PCDH15: variants seen among roughly 807,000 people sequenced by gnomAD.
PCDH15 encodes the protein protocadherin related 15.
PCDH15 carries 129 observed loss-of-function variants against 178.5 expected under a neutral mutation model. The ratio of observed to expected loss-of-function variants is 0.72; its 90% confidence interval spans 0.63 to 0.84. The LOEUF (loss-of-function observed/expected upper bound fraction) is 0.84, where lower values mean the gene tolerates loss of function less well. Among genes scored for constraint, PCDH15 ranks in the 40% least tolerant of loss-of-function variants. The pLI is 0.00. For missense variants in PCDH15, 2,230 were observed against 2,099.9 expected (o/e 1.06, Z -1.21); for synonymous variants, 800 against 732.0 (o/e 1.09, Z -1.50).
chr10:53,915,376 T>C (rs1342292453), intron 25 of PCDH15, among the ~76,000 whole-genome samples: 4 of 152,232 alleles, frequency 2.6e-5, no homozygotes, highest in Non-Finnish European at 4.4e-5. Context: ...GGCAGAAAGA[T>C]AGATTGATCT....
intron 14 of PCDH15, among the ~76,000 whole-genome samples, chr10:54,141,554 G>A (rs1013549416): frequency 5.3e-5 from 8 of 152,064 alleles, no homozygotes; most frequent in Admixed American, 2.0e-4. Context: ...TGGGTTAAAA[G>A]TTTTAATGTT....
chr10:54,859,988 A>T (rs1953811238), intron 3 of PCDH15, among the ~76,000 whole-genome samples: 1 of 152,012 alleles, frequency 6.6e-6, no homozygotes, highest in Non-Finnish European at 1.5e-5. Context: ...GACAACTCAG[A>T]CTTACCATGC....
chr10:55,107,217 T>C (rs1384231980), intron 2 of PCDH15, among the ~76,000 whole-genome samples: 1 of 152,198 alleles, frequency 6.6e-6, no homozygotes, highest in African/African-American at 2.4e-5. Flanking sequence ...ATTACCTTAG[T>C]TGTTAATTAA....
At chr10:54,269,203 A>G (rs1468917957) in intron 8 of PCDH15, among the ~76,000 whole-genome samples, 2 of 152,022 alleles carry the variant, frequency 1.3e-5, no homozygotes, top group Non-Finnish European at 2.9e-5. Flanking sequence ...TGATTGATAA[A>G]TGAGAAACTG....
At chr10:55,220,366 C>G (rs887714523) in intron 1 of PCDH15, among the ~76,000 whole-genome samples, 2 of 151,992 alleles carry the variant, frequency 1.3e-5, no homozygotes, top group African/African-American at 2.4e-5. Flanking sequence ...ATACAGGAAT[C>G]TAACTTGTCA....
At chr10:55,580,154 G>A (rs867952556) in intron 2 of PCDH15, among the ~76,000 whole-genome samples, 1 of 152,114 alleles carries the variant, frequency 6.6e-6, no homozygotes, top group Middle Eastern at 3.4e-3. Flanking sequence ...ACTGTGCCCG[G>A]CCACATATTG....
chr10:54,667,275 A>C (rs933925470), intron 1 of PCDH15, among the ~76,000 whole-genome samples: 2 of 152,072 alleles, frequency 1.3e-5, no homozygotes, highest in Non-Finnish European at 2.9e-5. Flanking sequence ...AAAGAAAGCT[A>C]TGACTCATCA....
In PCDH15 at chr10:55,445,926, A is replaced by G. The variant is rs530928075; in HGVS notation, c.-156+181699T>C. ...ATCAGAGAAGCCTTTCACTTGAGAAACACCAGACACAGATGAGAGTGGTAA... is the reference window on the plus strand; with the variant it reads ...ATCAGAGAAGCCTTTCACTTGAGAAGCACCAGACACAGATGAGAGTGGTAA... On this transcript the variant is annotated intron_variant, in intron 2 of 5. Coordinates refer to the PCDH15 transcript ENST00000613346. Among the ~76,000 whole-genome samples the G allele has an allele frequency of 1.4e-4, 22 of 152,240 alleles. No individual in the cohort carries two copies. The South Asian group carries it at 3.5e-3, about 24-fold the overall frequency.
intron 21 of PCDH15, among the ~76,000 whole-genome samples, chr10:53,962,137 G>A (rs1226829267): frequency 6.6e-6 from 1 of 152,034 alleles, no homozygotes; most frequent in African/African-American, 2.4e-5. Flanking sequence ...AAAATTAATG[G>A]TTGCTTTGGG....
intron 3 of PCDH15, among the ~76,000 whole-genome samples, chr10:54,441,484 T>G (rs1400312022): frequency 1.3e-5 from 2 of 151,862 alleles, no homozygotes; most frequent in African/African-American, 4.8e-5. Flanking sequence ...GAACTCTAGC[T>G]TGGTATGTGA....
At chr10:54,360,362 C>T (rs998733691) in intron 5 of PCDH15, among the ~76,000 whole-genome samples, 1 of 152,062 alleles carries the variant, frequency 6.6e-6, no homozygotes, top group African/African-American at 2.4e-5. Flanking sequence ...AGGCTAATCT[C>T]CCATCTTTTT....
intron 8 of PCDH15, among the ~76,000 whole-genome samples, chr10:54,246,708 G>A (rs961342351): frequency 1.3e-5 from 2 of 151,830 alleles, no homozygotes; most frequent in African/African-American, 4.8e-5. Context: ...GAATAAAGTT[G>A]CAGAGTATGT....
intron 26 of PCDH15, among the ~76,000 whole-genome samples, chr10:53,872,484 C>T (rs953456006): frequency 2.0e-5 from 3 of 152,158 alleles, no homozygotes; most frequent in Admixed American, 2.0e-4. Context: ...GGGTTTATGT[C>T]CCTTTCTGCT....
chr10:55,555,048 G>C (rs962934864), intron 2 of PCDH15, among the ~76,000 whole-genome samples: 1 of 151,888 alleles, frequency 6.6e-6, no homozygotes, highest in Non-Finnish European at 1.5e-5. Context: ...AAGAAAATCA[G>C]TATTTCCATA....
At chr10:54,530,919 T>G (rs1174857488) in intron 2 of PCDH15, among the ~76,000 whole-genome samples, 1 of 152,222 alleles carries the variant, frequency 6.6e-6, no homozygotes, top group Non-Finnish European at 1.5e-5. Flanking sequence ...CACGACAGCA[T>G]AATTAATTAG....
intron 25 of PCDH15, among the ~76,000 whole-genome samples, chr10:53,919,879 GT>G (rs1236595885): frequency 1.3e-5 from 2 of 152,108 alleles, no homozygotes; most frequent in African/African-American, 4.8e-5. Flanking sequence ...AACTTTCTAA[GT>G]TTTTATAAAT....
At chr10:55,620,496 G>A (rs1247852899) in intron 2 of PCDH15, among the ~76,000 whole-genome samples, 2 of 151,812 alleles carry the variant, frequency 1.3e-5, no homozygotes, top group African/African-American at 4.8e-5. Flanking sequence ...ACCTTAAAGA[G>A]AGCAAATCAT....
At chr10:54,967,348 T>A (rs766842156) in intron 2 of PCDH15, among the ~76,000 whole-genome samples, 1 of 152,136 alleles carries the variant, frequency 6.6e-6, no homozygotes, top group Non-Finnish European at 1.5e-5. Flanking sequence ...CACACACACA[T>A]GAAACCATCA....
intron 3 of PCDH15, among the ~76,000 whole-genome samples, chr10:54,384,742 C>G (rs940638440): frequency 6.6e-6 from 1 of 152,066 alleles, no homozygotes; most frequent in Non-Finnish European, 1.5e-5. Context: ...CTTAGTTTTT[C>G]AGTCTTCCTA....
Sources: gnomAD v4.1 joint callset for allele counts (sites outside exome capture counted in the v4.1 genomes callset) on GRCh38, gnomAD v4.1.1 for gene constraint, MANE v1.5 for transcripts, NCBI Gene and HGNC (gene_info 2026-07-23, HGNC 2026-07-21) for gene names.